Variants in KCNG2 observed in about 807,000 individuals in gnomAD.
KCNG2 encodes the protein potassium voltage-gated channel modifier subfamily G member 2.
Under a neutral mutation model 12.3 loss-of-function variants are expected in KCNG2, and 7 were observed. The ratio of observed to expected loss-of-function variants is 0.57; its 90% CI spans 0.32 to 1.07. The LOEUF (loss-of-function observed/expected upper bound fraction) is 1.07. Ranked by LOEUF, KCNG2 falls within the 50% of genes least tolerant of loss-of-function variation. KCNG2 has a pLI of 0.04. For synonymous variants in KCNG2, 414 were observed against 351.4 expected (o/e 1.18, Z -1.99); for missense variants, 703 against 726.0 (o/e 0.97, Z 0.36).
chr18:79,862,944 G>A (rs1288319518), intron 2 of KCNG2, among the ~76,000 whole-genome samples: 1 of 152,202 alleles, frequency 6.6e-6, no homozygotes, highest in Admixed American at 6.5e-5. Flanking sequence ...TCCCCGCAGA[G>A]CTGGGGAGCG....
chr18:79,865,693 TCTGGGTGCTGAGGC>T (rs1225026847), intron 3 of KCNG2, among the ~76,000 whole-genome samples: 89 of 140,242 alleles, frequency 6.3e-4, no homozygotes, highest in African/African-American at 1.6e-3. Context: ...TGCTGAGAGG[TCTGGGTGCTGAGGC>T]CTGGGTGCTG....
chr18:79,891,224 T>G (rs1980732597), intron 3 of KCNG2, among the ~76,000 whole-genome samples: 1 of 151,966 alleles, frequency 6.6e-6, no homozygotes, highest in African/African-American at 2.4e-5. Context: ...TTACTTTTTC[T>G]TTCTTTATTT....
chr18:79,821,776 C>T (rs1029811234), intron 1 of KCNG2, among the ~76,000 whole-genome samples: 2 of 152,128 alleles, frequency 1.3e-5, no homozygotes, highest in East Asian at 3.9e-4. Flanking sequence ...TCCTGCTCCG[C>T]CCTCAACTGC....
chr18:79,828,659 CTG>C (rs895410305), intron 1 of KCNG2, among the ~76,000 whole-genome samples: 1 of 149,314 alleles, frequency 6.7e-6, no homozygotes, highest in Non-Finnish European at 1.5e-5. Flanking sequence ...CTGTGTGTGC[CTG>C]TGTGTGCATG....
chr18:79,858,422 C>A (rs565597321), intron 2 of KCNG2, among the ~76,000 whole-genome samples: 28 of 152,330 alleles, frequency 1.8e-4, no homozygotes, highest in Non-Finnish European at 2.6e-4. Context: ...TTTGTGGCTG[C>A]ATAACATTCC....
chr18:79,877,202 C>T (rs1980108615), intron 3 of KCNG2, among the ~76,000 whole-genome samples: 1 of 152,224 alleles, frequency 6.6e-6, no homozygotes, highest in Non-Finnish European at 1.5e-5. Context: ...GTTATGAATT[C>T]ATAGTTAGTA....
At chr18:79,821,823 G>A (rs1028535417) in intron 1 of KCNG2, among the ~76,000 whole-genome samples, 3 of 152,214 alleles carry the variant, frequency 2.0e-5, no homozygotes, top group South Asian at 4.1e-4. Context: ...CATCTTGATC[G>A]CCATAGCTTG....
chr18:79,854,068 C>A (rs1468887870), intron 1 of KCNG2, among the ~76,000 whole-genome samples: 1 of 152,254 alleles, frequency 6.6e-6, no homozygotes, highest in Non-Finnish European at 1.5e-5. Flanking sequence ...CTGCAGGCGG[C>A]CCCTGGGGAG....
intron 1 of KCNG2, among the ~76,000 whole-genome samples, chr18:79,826,055 G>A (rs1047470931): frequency 5.9e-5 from 9 of 152,254 alleles, no homozygotes; most frequent in African/African-American, 2.2e-4. Context: ...AGCTCTCGGC[G>A]TCGGGGCCTG....
rs34941981 is a variant in KCNG2, at chr18:79,809,465, G to T, written c.-115+11451G>T. Reference sequence around the variant, plus strand: ...CTCGCCCTGAGGAGCTGCCGGGGCCGCGCTGACCACACTCCACGTTATGGG... The same window carrying T: ...CTCGCCCTGAGGAGCTGCCGGGGCCTCGCTGACCACACTCCACGTTATGGG... On this transcript the variant is annotated intron_variant, in intron 1 of 3. Transcript: ENST00000316249. Among the ~76,000 whole-genome samples the T allele has an allele frequency of 3.7e-3, 286 of 77,054 alleles. 1 individual carries two copies. Among genetic ancestry groups the T allele is most frequent in the Middle Eastern group, 0.011 (1 of 90 alleles). The allele number at this position is 77,054 out of a possible 152,430, so 50.6% of individuals were successfully genotyped here.
At chr18:79,882,845 G>C (rs1980363977) in intron 3 of KCNG2, among the ~76,000 whole-genome samples, 1 of 151,158 alleles carries the variant, frequency 6.6e-6, no homozygotes, top group Non-Finnish European at 1.5e-5. Flanking sequence ...ACACCTGCGC[G>C]TGGAGCGCGG....
chr18:79,836,536 T>C (rs1205857605), intron 1 of KCNG2, among the ~76,000 whole-genome samples: 1 of 152,200 alleles, frequency 6.6e-6, no homozygotes, highest in Non-Finnish European at 1.5e-5. Context: ...GTTGTGTTAG[T>C]CCATTTTCAC....
At chr18:79,824,316 T>C (rs1022606869) in intron 1 of KCNG2, among the ~76,000 whole-genome samples, 4 of 152,254 alleles carry the variant, frequency 2.6e-5, no homozygotes, top group African/African-American at 9.6e-5. Context: ...ACTTTTCCAA[T>C]GATTGTGTTC....
intron 3 of KCNG2, among the ~76,000 whole-genome samples, chr18:79,877,160 G>C (rs150819852): frequency 2.6e-3 from 395 of 152,292 alleles, no homozygotes; most frequent in African/African-American, 8.3e-3. Flanking sequence ...TGAGTGAAAA[G>C]AAAAAACCTC....
chr18:79,861,342 G>T (rs1435946593), intron 2 of KCNG2, among the ~76,000 whole-genome samples: 1 of 136,948 alleles, frequency 7.3e-6, no homozygotes, highest in Non-Finnish European at 1.5e-5. Flanking sequence ...GCAGTGGCGC[G>T]ATCTCGGCTC....
At chr18:79,802,799 CAA>C (rs1412347218) in intron 1 of KCNG2, among the ~76,000 whole-genome samples, 1 of 151,842 alleles carries the variant, frequency 6.6e-6, no homozygotes, top group Non-Finnish European at 1.5e-5. Context: ...AATTCTATGA[CAA>C]GTTTTATATC....
chr18:79,882,441 C>CT (rs1980334986), intron 3 of KCNG2, among the ~76,000 whole-genome samples: 1 of 152,226 alleles, frequency 6.6e-6, no homozygotes, highest in South Asian at 2.1e-4. Context: ...AATCACATAT[C>CT]TAACAAAGGA....
intron 1 of KCNG2, among the ~76,000 whole-genome samples, chr18:79,813,731 C>A (rs1360701013): frequency 6.6e-6 from 1 of 152,152 alleles, no homozygotes; most frequent in Non-Finnish European, 1.5e-5. Flanking sequence ...AGGTATAACC[C>A]ATAAAAAGTA....
intron 1 of KCNG2, among the ~76,000 whole-genome samples, chr18:79,840,873 C>G (rs182271397): frequency 3.6e-4 from 55 of 152,002 alleles, no homozygotes; most frequent in African/African-American, 1.2e-3. Context: ...ATAAGACATC[C>G]ATAAGCCAAA....
Sources: gnomAD v4.1 joint callset for allele counts (sites outside exome capture counted in the v4.1 genomes callset) on GRCh38, gnomAD v4.1.1 for gene constraint, MANE v1.5 for transcripts, NCBI Gene and HGNC (gene_info 2026-07-23, HGNC 2026-07-21) for gene names.